The following DSTYK variants were observed in gnomAD, a reference collection of about 807,000 sequenced individuals.
The protein encoded by DSTYK is dual serine/threonine and tyrosine protein kinase.
A neutral mutation model predicts 98.7 loss-of-function variants in DSTYK; 34 were observed. The ratio of observed to expected loss-of-function variants is 0.34; its 90% CI spans 0.26 to 0.46. The LOEUF is 0.46. Ranked by LOEUF, DSTYK falls within the 20% of genes least tolerant of loss-of-function variation. The probability of loss-of-function intolerance (pLI) is 1.00; values close to 1 mark genes in which losing one functional copy is unlikely to be tolerated. For synonymous variants in DSTYK, 462 were observed against 457.3 expected, an observed-to-expected ratio of 1.01 and a Z score of -0.13; for missense variants, 962 against 1,181.7, an observed-to-expected ratio of 0.81 and a Z score of 2.73.
intron 3 of DSTYK, among the ~76,000 whole-genome samples, chr1:205,166,107 C>T (rs1657881239): frequency 6.6e-6 from 1 of 152,066 alleles, no homozygotes; most frequent in African/African-American, 2.4e-5. Flanking sequence ...TAAATTCAGG[C>T]ATATCCATTA....
intron 2 of DSTYK, among the ~76,000 whole-genome samples, chr1:205,183,960 C>T (rs918069249): frequency 1.3e-5 from 2 of 152,082 alleles, no homozygotes; most frequent in African/African-American, 2.4e-5. Context: ...GAAACACTGG[C>T]CAAGGAAGCC....
intron 2 of DSTYK, among the ~76,000 whole-genome samples, chr1:205,179,845 C>T (rs2102434312): frequency 6.6e-6 from 1 of 152,250 alleles, no homozygotes; most frequent in African/African-American, 2.4e-5. Context: ...TTTTCAATCT[C>T]TGAGTCTCTG....
In DSTYK at chr1:205,169,265, T is replaced by C. The variant is rs1325029055; in HGVS notation, c.1222A>G (p.Ile408Val). 1 of 1,614,158 alleles carries C rather than the reference T, an allele frequency of 6.2e-7. No individual in the cohort carries two copies. The highest frequency in any genetic ancestry group is 1.3e-5 in the African/African-American group (1 of 75,032). Residue 408 changes from isoleucine (I) to valine (V), a missense_variant, in exon 3 of 13, where the codon ATT becomes GTT. By Grantham distance (29) the Ile-to-Val change is conservative (BLOSUM62 3). This residue lies in a region of DSTYK where 660 missense variants were observed against 855.0 expected (regional missense o/e 0.77). Coordinates refer to ENST00000367162, the MANE Select transcript of DSTYK (RefSeq NM_015375.3). The surrounding 1 kb of genome is among the most constrained non-coding windows in gnomAD (Gnocchi z 4.0). ...ATTTCCTCCTGCTTTCGGTTGGCAA[T>C]ATTCATCAATGATTCATACAACTCA... Reference protein sequence around the residue: ...ENELYESLMNIANRKQEEMKD... With the variant: ...ENELYESLMNVANRKQEEMKD...
intron 1 of DSTYK, among the ~76,000 whole-genome samples, chr1:205,198,598 C>T (rs1033469044): frequency 2.0e-5 from 3 of 152,100 alleles, no homozygotes; most frequent in African/African-American, 7.2e-5. Context: ...AAACTCCATA[C>T]TGGTTCATTC....
chr1:205,156,270 A>G (rs1657558136), intron 10 of DSTYK, among the ~76,000 whole-genome samples: 1 of 152,028 alleles, frequency 6.6e-6, no homozygotes, highest in African/African-American at 2.4e-5. Context: ...GTCTTCTAGA[A>G]CCCAGAAGGG....
intron 6 of DSTYK, 48 bp downstream of exon 6, chr1:205,161,988 G>A: frequency 6.3e-7 from 1 of 1,578,006 alleles, no homozygotes; most frequent in Non-Finnish European, 8.6e-7. Flanking sequence ...ATCTGGATGA[G>A]GCTCTTCTCT....
intron 1 of DSTYK, 103 bp downstream of exon 1, chr1:205,211,167 TC>T: frequency 6.9e-7 from 1 of 1,453,122 alleles, no homozygotes; most frequent in Non-Finnish European, 9.0e-7. Flanking sequence ...ACTGCCCCTT[TC>T]CGCCTGCCCG....
chr1:205,194,774 C>A (rs1194753080), intron 1 of DSTYK, among the ~76,000 whole-genome samples: 1 of 151,802 alleles, frequency 6.6e-6, no homozygotes, highest in Non-Finnish European at 1.5e-5. Context: ...TGGGTCATAG[C>A]AACCTCCACC....
chr1:205,204,838 T>C (rs1339994887), intron 1 of DSTYK, among the ~76,000 whole-genome samples: 1 of 152,310 alleles, frequency 6.6e-6, no homozygotes, highest in African/African-American at 2.4e-5. Flanking sequence ...TTCATATCAA[T>C]GGAATCATAC....
At chr1:205,180,970 T>C (rs1427280071) in intron 2 of DSTYK, among the ~76,000 whole-genome samples, 4 of 152,206 alleles carry the variant, frequency 2.6e-5, no homozygotes, top group African/African-American at 7.2e-5. Context: ...GAGAGAGATA[T>C]TAAAAACAAA....
intron 1 of DSTYK, among the ~76,000 whole-genome samples, chr1:205,190,615 C>CAAAAA (rs760042971): frequency 2.5e-4 from 18 of 71,898 alleles, no homozygotes; most frequent in African/African-American, 1.1e-3. Context: ...GACTCCATCT[C>CAAAAA]AAAAAAAAAA....
Position 205,160,682 on chromosome 1 carries a change from A to T in DSTYK, c.1949-412T>A, listed in dbSNP as rs184778966. On this transcript the variant is annotated intron_variant, in intron 7 of 12. Transcript: ENST00000367162. ...CCTGCCTTTAGGGTCAGGAAGCTGTAATCAAGCCCAGGGATAAAATTCTAG... is the reference window on the plus strand; with the variant it reads ...CCTGCCTTTAGGGTCAGGAAGCTGTTATCAAGCCCAGGGATAAAATTCTAG... Among the ~76,000 whole-genome samples the T allele has an allele frequency of 1.2e-4, 18 of 152,314 alleles. 1 individual carries two copies. The East Asian group carries it at 3.5e-3, about 29-fold the overall frequency.
chr1:205,162,145 T>C lies in DSTYK; in HGVS notation c.1709A>G (p.Gln570Arg), dbSNP rs1168860531. The C allele has an allele frequency of 6.2e-7, 1 of 1,614,180 alleles. No homozygotes were observed. The highest frequency in any genetic ancestry group is 1.1e-5 in the South Asian group (1 of 91,074). The change falls in exon 6 of 13, where the codon CAG becomes CGG. Residue 570 changes from glutamine to arginine, a missense_variant. Physicochemically the swap from Gln to Arg is conservative, Grantham distance 43. This residue lies in a region of DSTYK where 660 missense variants were observed against 855.0 expected (regional missense o/e 0.77). Coordinates refer to ENST00000367162, the MANE Select transcript of DSTYK (RefSeq NM_015375.3). ...GGCGCTGAGGCTCTCAATGGCTTCC[T>C]GGGCCACCTTCCTCTTCCATTCCAG... ...ITLEWKRKVA[Q>R]EAIESLSASK... is the part of the protein sequence containing the mutation.
In DSTYK at chr1:205,143,759, TCAAG is replaced by T. The variant is rs1657139831; in HGVS notation, c.*3795_*3798del. ...CACTTTGTGACCCTTCTTTGGCAGC[TCAAG>T]CAAAGACACAAGAATGCATTTGAGA... On this transcript the variant is annotated 3_prime_UTR_variant, in exon 13 of 13. Coordinates refer to ENST00000367162, the MANE Select transcript of DSTYK (RefSeq NM_015375.3). 1 of 152,570 alleles carries T rather than the reference TCAAG, an allele frequency of 6.6e-6. No homozygotes were observed. The highest frequency in any genetic ancestry group is 2.1e-4 in the South Asian group (1 of 4,818). 9.5% of individuals were successfully genotyped at this position (152,570 alleles called of 1,614,324 possible).
intron 3 of DSTYK, 133 bp from the exon 4 acceptor site, chr1:205,164,088 T>C: frequency 2.7e-6 from 2 of 738,146 alleles, no homozygotes; most frequent in South Asian, 3.4e-5. Context: ...GATTCGTTGA[T>C]GATGTCTAAC....
In DSTYK at chr1:205,144,495, G is replaced by C. The variant is rs551871135; in HGVS notation, c.*3063C>G. 1.3e-5 allele frequency: 2 copies of C among 152,630 alleles called. No homozygotes were observed. The highest frequency in any genetic ancestry group is 4.8e-5 in the African/African-American group (2 of 41,514). 9.5% of individuals were successfully genotyped at this position (152,630 alleles called of 1,614,324 possible). A position where few individuals can be genotyped will look rare whatever the true frequency, so the allele number is the denominator to read the frequency against. On this transcript the variant is annotated 3_prime_UTR_variant, in exon 13 of 13. Coordinates refer to ENST00000367162, the MANE Select transcript of DSTYK (RefSeq NM_015375.3). ...AATATACAATACAGTACATTTCATG[G>C]CATTCCATCACTTATAATAAGAATG...
At position 205,147,521 on chromosome 1, in the gene DSTYK, G is replaced by C. The variant is rs771432634; in HGVS notation, c.*37C>G. 2 of 1,585,320 alleles carry C rather than the reference G, an allele frequency of 1.3e-6. No individual in the cohort carries two copies. Among genetic ancestry groups the C allele is most frequent in the Non-Finnish European group, 8.6e-7 (1 of 1,158,344 alleles). ...CCATGGCCAAAAGGTGAGGGGGAAGGAAATAACTAGAGAGTGAAAGAGAAA... is the reference window on the plus strand; with the variant it reads ...CCATGGCCAAAAGGTGAGGGGGAAGCAAATAACTAGAGAGTGAAAGAGAAA... On this transcript the variant is annotated 3_prime_UTR_variant, in exon 13 of 13. Coordinates refer to ENST00000367162, the MANE Select transcript of DSTYK (RefSeq NM_015375.3).
intron 2 of DSTYK, among the ~76,000 whole-genome samples, chr1:205,173,958 G>A (rs55793012): frequency 6.6e-6 from 1 of 152,076 alleles, no homozygotes; most frequent in African/African-American, 2.4e-5. Context: ...AACCTCAGGT[G>A]ATCTGCCTGC....
chr1:205,173,940 G>A (rs940210370), intron 2 of DSTYK, among the ~76,000 whole-genome samples: 2 of 152,026 alleles, frequency 1.3e-5, no homozygotes, highest in East Asian at 2.0e-4. Flanking sequence ...GGCTGGTCTT[G>A]AACTCCTAAC....
Sources: gnomAD v4.1 joint callset for allele counts (sites outside exome capture counted in the v4.1 genomes callset) on GRCh38, gnomAD v4.1.1 for gene constraint, gnomAD v4.1.1 regional missense constraint, Gnocchi (gnomAD v3.1) non-coding constraint, MANE v1.5 for transcripts, NCBI Gene and HGNC (gene_info 2026-07-23, HGNC 2026-07-21) for gene names.